NAV3: variants seen among roughly 807,000 people sequenced by gnomAD.
NAV3 encodes the protein neuron navigator 3.
A neutral mutation model predicts 244.7 loss-of-function variants in NAV3; 87 were observed. The ratio of observed to expected loss-of-function variants is 0.36; its 90% CI spans 0.30 to 0.42. The LOEUF (loss-of-function observed/expected upper bound fraction) is 0.42, where lower values mean the gene tolerates loss of function less well. Among genes scored for constraint, NAV3 ranks in the 20% least tolerant of loss-of-function variants. NAV3 has a pLI of 1.00. For synonymous variants in NAV3, 1,126 were observed against 1,042.2 expected (o/e 1.08, Z -1.55); for missense variants, 2,663 against 2,893.3 (o/e 0.92, Z 1.83).
At chr12:77,898,123 C>T (rs1478335158) in intron 1 of NAV3, among the ~76,000 whole-genome samples, 2 of 152,102 alleles carry the variant, frequency 1.3e-5, no homozygotes, top group East Asian at 1.9e-4. Flanking sequence ...ACTACCTAGA[C>T]GAATATCACA....
intron 22 of NAV3, among the ~76,000 whole-genome samples, chr12:78,153,390 A>G (rs1470117272): frequency 6.6e-6 from 1 of 152,082 alleles, no homozygotes; most frequent in African/African-American, 2.4e-5. Context: ...TTCTACTAGC[A>G]TGTCCTTAGA....
chr12:77,958,655 A>C (rs752663336), intron 3 of NAV3, among the ~76,000 whole-genome samples: 7 of 152,214 alleles, frequency 4.6e-5, no homozygotes, highest in Non-Finnish European at 7.3e-5. Context: ...TACTTCTGAA[A>C]ATAATGACTA....
Position 78,211,824 on chromosome 12 carries a change from G to A in NAV3, c.*1307G>A, listed in dbSNP as rs1565812673. ...TTCAGCATTAAAGAACACTGAAGCG[G>A]TAAGGTCACTGTGGAAGAGGAAGCG... On this transcript the variant is annotated 3_prime_UTR_variant, in exon 40 of 40. Transcript: ENST00000397909. The A allele has an allele frequency of 2.0e-5, 3 of 152,518 alleles. No individual in the cohort carries two copies. The highest frequency in any genetic ancestry group is 4.4e-5 in the Non-Finnish European group (3 of 68,034). 9.4% of individuals were successfully genotyped at this position (152,518 alleles called of 1,614,324 possible). A position where few individuals can be genotyped will look rare whatever the true frequency, so the allele number is the denominator to read the frequency against.
chr12:78,132,283 A>C (rs927449528), intron 18 of NAV3, among the ~76,000 whole-genome samples: 2 of 152,164 alleles, frequency 1.3e-5, no homozygotes, highest in African/African-American at 4.8e-5. Flanking sequence ...TTAATGTTCT[A>C]ATGAATTAGA....
intron 1 of NAV3, 172 bp from the exon 2 acceptor site, chr12:77,940,147 G>T: frequency 1.7e-6 from 1 of 585,590 alleles, no homozygotes; most frequent in Non-Finnish European, 3.0e-6. Flanking sequence ...GATAAGTTGG[G>T]GAAAGAGCTG....
intron 2 of NAV3, among the ~76,000 whole-genome samples, chr12:77,770,477 G>A (rs1352816698): frequency 2.0e-5 from 3 of 152,172 alleles, no homozygotes; most frequent in Admixed American, 1.3e-4. Context: ...TTATGAAGTA[G>A]GGATTTTTGC....
intron 2 of NAV3, among the ~76,000 whole-genome samples, chr12:77,780,167 T>A (rs1686575878): frequency 6.6e-6 from 1 of 152,202 alleles, no homozygotes; most frequent in African/African-American, 2.4e-5. Context: ...AGAATATATT[T>A]GTGCAGTAGA....
At chr12:78,165,317 C>T (rs936195221) in intron 23 of NAV3, among the ~76,000 whole-genome samples, 5 of 151,934 alleles carry the variant, frequency 3.3e-5, no homozygotes, top group Non-Finnish European at 7.4e-5. Flanking sequence ...TTATCCCAGC[C>T]TCAATCTTCT....
At chr12:78,127,521 C>A (rs1955968443) in intron 17 of NAV3, among the ~76,000 whole-genome samples, 1 of 152,102 alleles carries the variant, frequency 6.6e-6, no homozygotes, top group Non-Finnish European at 1.5e-5. Context: ...CCAGGCATTA[C>A]TTTTTTGGGG....
intron 2 of NAV3, among the ~76,000 whole-genome samples, chr12:77,803,355 T>C (rs965387230): frequency 6.6e-6 from 1 of 152,160 alleles, no homozygotes. Flanking sequence ...TCAACTCCCA[T>C]GTATGAGTGA....
chr12:77,839,624 A>G (rs1472116575), intron 1 of NAV3, among the ~76,000 whole-genome samples: 1 of 152,248 alleles, frequency 6.6e-6, no homozygotes, highest in Non-Finnish European at 1.5e-5. Context: ...GGCCTAATAC[A>G]TAGTTGGTGG....
chr12:77,979,889 T>C (rs1387989481), intron 5 of NAV3, among the ~76,000 whole-genome samples: 1 of 151,752 alleles, frequency 6.6e-6, no homozygotes, highest in Non-Finnish European at 1.5e-5. Context: ...AGAGAACGAG[T>C]ATTGCCAGAG....
At chr12:78,114,794 G>A (rs1955287888) in intron 12 of NAV3, among the ~76,000 whole-genome samples, 1 of 152,072 alleles carries the variant, frequency 6.6e-6, no homozygotes, top group South Asian at 2.1e-4. Flanking sequence ...ACAAATGACA[G>A]ATATGTGCTA....
intron 30 of NAV3, among the ~76,000 whole-genome samples, chr12:78,182,685 C>G (rs1361413571): frequency 6.6e-6 from 1 of 151,574 alleles, no homozygotes; most frequent in Admixed American, 6.6e-5. Context: ...GAATTTAAGG[C>G]AATTTTTTAG....
At chr12:78,149,741 C>G (rs145085791) in intron 22 of NAV3, among the ~76,000 whole-genome samples, 160 of 152,172 alleles carry the variant, frequency 1.1e-3, no homozygotes, top group Non-Finnish European at 1.5e-3. Flanking sequence ...CTCCCCACCC[C>G]TCCCGCTGCT....
chr12:77,602,272 G>T (rs1428480637), intron 2 of NAV3, among the ~76,000 whole-genome samples: 5 of 151,936 alleles, frequency 3.3e-5, no homozygotes, highest in Non-Finnish European at 7.4e-5. Context: ...TAAAGAGAGG[G>T]CAAATGAATA....
intron 26 of NAV3, 56 bp from the exon 27 acceptor site, chr12:78,177,085 G>T: frequency 6.2e-7 from 1 of 1,604,366 alleles, no homozygotes; most frequent in Non-Finnish European, 8.5e-7. Flanking sequence ...ACGCCCCAAA[G>T]CAAAAGCTCT....
At chr12:78,090,832 G>A (rs12299078) in intron 12 of NAV3, among the ~76,000 whole-genome samples, 18,919 of 151,658 alleles carry the variant, frequency 0.12, 1,321 homozygotes, top group South Asian at 0.2. Context: ...AAAAAGATGT[G>A]AAAATTCCGT....
At chr12:77,649,383 T>G (rs1279843678) in intron 2 of NAV3, among the ~76,000 whole-genome samples, 1 of 152,150 alleles carries the variant, frequency 6.6e-6, no homozygotes, top group Non-Finnish European at 1.5e-5. Flanking sequence ...TGTATGGTAA[T>G]ACATCATACA....
Sources: gnomAD v4.1 joint callset for allele counts (sites outside exome capture counted in the v4.1 genomes callset) on GRCh38, gnomAD v4.1.1 for gene constraint, MANE v1.5 for transcripts, NCBI Gene and HGNC (gene_info 2026-07-23, HGNC 2026-07-21) for gene names.